The following CSMD1 variants were observed in gnomAD, a reference collection of about 807,000 sequenced individuals.
CSMD1 encodes CUB and sushi domain-containing protein 1.
CSMD1 carries 213 observed loss-of-function variants against 417.5 expected under a neutral mutation model. The observed-to-expected ratio is 0.51, with a 90% CI of 0.46 to 0.57. CSMD1 has a LOEUF of 0.57. Among genes scored for constraint, CSMD1 ranks in the 20% least tolerant of loss-of-function variants. The probability of loss-of-function intolerance (pLI) is 0.00; values close to 1 mark genes in which losing one functional copy is unlikely to be tolerated. For synonymous variants in CSMD1, 2,862 were observed against 1,736.8 expected, an observed-to-expected ratio of 1.65 and a Z score of -16.11; for missense variants, 6,923 against 4,529.7, an observed-to-expected ratio of 1.53 and a Z score of -15.17.
chr8:4,130,900 C>A (rs1041181194), intron 3 of CSMD1, among the ~76,000 whole-genome samples: 1 of 151,682 alleles, frequency 6.6e-6, no homozygotes, highest in Non-Finnish European at 1.5e-5. Context: ...TAGAACAATG[C>A]ATTGGATGGA....
intron 5 of CSMD1, among the ~76,000 whole-genome samples, chr8:3,993,504 A>T (rs1814919377): frequency 6.6e-6 from 1 of 152,220 alleles, no homozygotes; most frequent in South Asian, 2.1e-4. Context: ...TTTTAACTTT[A>T]GCCAGTCACC....
chr8:3,959,870 A>C (rs1406597442), intron 5 of CSMD1, among the ~76,000 whole-genome samples: 1 of 152,236 alleles, frequency 6.6e-6, no homozygotes, highest in Non-Finnish European at 1.5e-5. Flanking sequence ...GAGGTATATA[A>C]CGTGTGATCT....
At chr8:4,690,281 G>C (rs1203095999) in intron 1 of CSMD1, among the ~76,000 whole-genome samples, 1 of 152,080 alleles carries the variant, frequency 6.6e-6, no homozygotes, top group East Asian at 1.9e-4. Context: ...ATCCTGAAGA[G>C]GACGACCTAA....
At chr8:4,929,307 C>A (rs1563792538) in intron 1 of CSMD1, among the ~76,000 whole-genome samples, 1 of 152,228 alleles carries the variant, frequency 6.6e-6, no homozygotes, top group African/African-American at 2.4e-5. Flanking sequence ...GAACCATGGG[C>A]AACACATTTC....
chr8:4,651,954 A>G (rs955559595), intron 1 of CSMD1, among the ~76,000 whole-genome samples: 2 of 152,316 alleles, frequency 1.3e-5, no homozygotes, highest in South Asian at 4.1e-4. Context: ...ACTTTAACTC[A>G]ATCCTCTGGG....
At chr8:4,149,242 G>A (rs536838884) in intron 3 of CSMD1, among the ~76,000 whole-genome samples, 1 of 152,028 alleles carries the variant, frequency 6.6e-6, no homozygotes, top group Non-Finnish European at 1.5e-5. Context: ...GAGATAACAG[G>A]CATAAGCCAC....
At chr8:4,236,035 GTTTGTTTTTTTTTTTTTTTTTT>G (rs1563316576) in intron 3 of CSMD1, among the ~76,000 whole-genome samples, 65,142 of 112,760 alleles carry the variant, frequency 0.58, 16,906 homozygotes, top group Non-Finnish European at 0.64. Context: ...TGTTTTTTTT[GTTTGTTTTTTTTTTTTTTTTTT>G]TTTTTTTTTT....
At chr8:3,413,101 C>T (rs2116936620) in intron 12 of CSMD1, among the ~76,000 whole-genome samples, 1 of 152,198 alleles carries the variant, frequency 6.6e-6, no homozygotes, top group South Asian at 2.1e-4. Flanking sequence ...CAAAGGGTGG[C>T]CATGAGAATT....
At chr8:4,681,987 G>T (rs185524082) in intron 1 of CSMD1, among the ~76,000 whole-genome samples, 2 of 152,038 alleles carry the variant, frequency 1.3e-5, no homozygotes, top group Admixed American at 6.6e-5. Flanking sequence ...TTATTAATAC[G>T]CTTGAAAGGT....
At chr8:3,704,454 G>C (rs553082886) in intron 7 of CSMD1, among the ~76,000 whole-genome samples, 1 of 152,258 alleles carries the variant, frequency 6.6e-6, no homozygotes, top group Admixed American at 6.5e-5. Context: ...TACTTGCCTA[G>C]GGACATAACC....
At chr8:4,810,084 A>G (rs922527278) in intron 1 of CSMD1, among the ~76,000 whole-genome samples, 2 of 152,232 alleles carry the variant, frequency 1.3e-5, no homozygotes, top group African/African-American at 4.8e-5. Context: ...CTCATTTGGT[A>G]ACTATTTCCT....
At chr8:3,660,712 G>T (rs998141060) in intron 7 of CSMD1, among the ~76,000 whole-genome samples, 3 of 142,838 alleles carry the variant, frequency 2.1e-5, no homozygotes. Flanking sequence ...GTAGAGACAG[G>T]GTTTCACCAT....
intron 12 of CSMD1, among the ~76,000 whole-genome samples, chr8:3,462,888 G>C (rs973482929): frequency 6.6e-6 from 1 of 152,132 alleles, no homozygotes; most frequent in African/African-American, 2.4e-5. Flanking sequence ...TTTCAGAGAT[G>C]GGCCAGCCTT....
intron 8 of CSMD1, among the ~76,000 whole-genome samples, chr8:3,595,309 G>C (rs1801040055): frequency 1.3e-5 from 2 of 152,184 alleles, no homozygotes; most frequent in South Asian, 4.1e-4. Context: ...GCCATCATCG[G>C]AGAGATGAAT....
chr8:4,474,935 G>A (rs1800720683), intron 2 of CSMD1, among the ~76,000 whole-genome samples: 2 of 152,154 alleles, frequency 1.3e-5, no homozygotes, highest in South Asian at 4.1e-4. Context: ...TGTGTTAATT[G>A]ACGGTTTGTG....
chr8:4,230,777 T>C (rs188706856), intron 3 of CSMD1, among the ~76,000 whole-genome samples: 3 of 152,182 alleles, frequency 2.0e-5, no homozygotes, highest in Non-Finnish European at 4.4e-5. Context: ...TTTTTTGACT[T>C]TCAAGTAATT....
Position 4,576,122 on chromosome 8 carries a change from T to G in CSMD1, c.302+61220A>C, listed in dbSNP as rs900919636. 3.3e-5 allele frequency among the ~76,000 whole-genome samples: 5 copies of G among 152,228 alleles called. No homozygotes were observed. In the East Asian group the frequency reaches 9.6e-4, roughly 29 times the overall value. On this transcript the variant is annotated intron_variant, in intron 2 of 69. Coordinates refer to ENST00000635120, the MANE Select transcript of CSMD1 (RefSeq NM_033225.6). ...TTCAACCTCCTCTTTATTGCTAGCCTATCCCTCTTAGAATAATTGCAGAAA... is the reference window on the plus strand; with the variant it reads ...TTCAACCTCCTCTTTATTGCTAGCCGATCCCTCTTAGAATAATTGCAGAAA...
At chr8:4,597,581 G>A (rs1032722284) in intron 2 of CSMD1, among the ~76,000 whole-genome samples, 1 of 151,728 alleles carries the variant, frequency 6.6e-6, no homozygotes, top group East Asian at 1.9e-4. Flanking sequence ...AACAAAAAAA[G>A]AAATAAAACA....
chr8:4,710,920 G>C (rs1326565553), intron 1 of CSMD1, among the ~76,000 whole-genome samples: 2 of 151,832 alleles, frequency 1.3e-5, no homozygotes, highest in African/African-American at 2.4e-5. Context: ...AATGGCCTGA[G>C]TCCAAACATA....
Sources: allele counts gnomAD v4.1 joint callset (sites outside exome capture counted in the v4.1 genomes callset), GRCh38; gene constraint gnomAD v4.1.1; transcripts MANE v1.5; gene names NCBI Gene and HGNC (gene_info 2026-07-23, HGNC 2026-07-21).